Variants in GTPBP1 observed in about 807,000 individuals in gnomAD.
The protein encoded by GTPBP1 is GTP-binding protein 1.
GTPBP1 carries 23 observed loss-of-function variants against 62.0 expected under a neutral mutation model. The observed-to-expected ratio is 0.37, with a 90% confidence interval of 0.27 to 0.53. GTPBP1 has a LOEUF of 0.53. Ranked by LOEUF, GTPBP1 falls within the 20% of genes least tolerant of loss-of-function variation. The probability of loss-of-function intolerance (pLI) is 0.89; values close to 1 mark genes in which losing one functional copy is unlikely to be tolerated. For synonymous variants in GTPBP1, 344 were observed against 364.4 expected, an observed-to-expected ratio of 0.94 and a Z score of 0.64; for missense variants, 640 against 917.3, an observed-to-expected ratio of 0.70 and a Z score of 3.90.
chr22:38,718,816 C>T (rs905654431), intron 4 of GTPBP1, among the ~76,000 whole-genome samples: 4 of 152,144 alleles, frequency 2.6e-5, no homozygotes, highest in African/African-American at 9.7e-5. Context: ...GTGTACCTGC[C>T]AGAGATATTT....
intron 4 of GTPBP1, among the ~76,000 whole-genome samples, chr22:38,719,062 G>A (rs1055517731): frequency 6.6e-6 from 1 of 152,058 alleles, no homozygotes. Context: ...CTGGAGTGCA[G>A]TTGTGCAATC....
At position 38,730,926 on chromosome 22, in the gene GTPBP1, C is replaced by A; in HGVS notation, c.*222C>A. ...ACTGACCATCTCTCACTGTCCTCCC[C>A]ACCTTCTTCCTCACTCACACATTTT... On this transcript the variant is annotated 3_prime_UTR_variant, in exon 12 of 12. Coordinates refer to ENST00000216044, the MANE Select transcript of GTPBP1 (RefSeq NM_004286.5). This position sits in a 1 kb window ranked among gnomAD's most constrained non-coding sequence, Gnocchi z 5.6. 1 of 538,952 alleles carries A rather than the reference C, an allele frequency of 1.9e-6. No individual in the cohort carries two copies. The highest frequency in any genetic ancestry group is 3.3e-6 in the Non-Finnish European group (1 of 305,936). 33.4% of individuals were successfully genotyped at this position (538,952 alleles called of 1,614,324 possible).
At chr22:38,739,767 CAG>C (rs2092838221), downstream of GTPBP1, 5 of 1,613,572 alleles carry the variant, frequency 3.1e-6, no homozygotes, top group African/African-American at 1.3e-5. This position sits in a 1 kb window ranked among gnomAD's most constrained non-coding sequence, Gnocchi z 6.7. Flanking sequence ...GCGTCAGGCT[CAG>C]GGAGGCCGCG....
chr22:38,727,933 G>T lies in GTPBP1; in HGVS notation c.1538-50G>T. The T allele has an allele frequency of 7.1e-7, 1 of 1,416,070 alleles. No homozygotes were observed. Among genetic ancestry groups the T allele is most frequent in the Non-Finnish European group, 1.0e-6 (1 of 1,001,970 alleles). 87.7% of individuals were successfully genotyped at this position (1,416,070 alleles called of 1,614,324 possible). A position where few individuals can be genotyped will look rare whatever the true frequency, so the allele number is the denominator to read the frequency against. On this transcript the variant is annotated intron_variant, in intron 9 of 11. Transcript: ENST00000216044. This position sits in a 1 kb window ranked among gnomAD's most constrained non-coding sequence, Gnocchi z 6.5. ...TTCACTCACTGCCTCCCGTTGTCCT[G>T]AAGCCACCAGGTGGCTCCAGCCTAT...
At chr22:38,742,344 G>C, downstream of GTPBP1, 1 of 1,609,554 alleles carries the variant, frequency 6.2e-7, no homozygotes, top group South Asian at 1.1e-5. Flanking sequence ...CTCCTTCAGG[G>C]CAGCTTCACG....
chr22:38,726,084 C>A lies in GTPBP1; in HGVS notation c.1152C>A (p.Ser384=). The change falls in exon 7 of 12, where the codon TCC becomes TCA. Residue 384 remains serine, a synonymous_variant. Coordinates refer to ENST00000216044, the MANE Select transcript of GTPBP1 (RefSeq NM_004286.5). The surrounding 1 kb of genome is among the most constrained non-coding windows in gnomAD (Gnocchi z 4.1). Reference sequence around the variant, plus strand: ...TGAAGATGTTCCTCAACCTCCTCTCCCCCCGCACCAGCTACAGGGAGGAGG... The same window carrying A: ...TGAAGATGTTCCTCAACCTCCTCTCACCCCGCACCAGCTACAGGGAGGAGG... The part of the protein sequence containing the change: ...DLLKMFLNLL[S]PRTSYREEEP... 6.2e-7 allele frequency: 1 copy of A among 1,613,998 alleles called. No homozygotes were observed. Among genetic ancestry groups the A allele is most frequent in the Non-Finnish European group, 8.5e-7 (1 of 1,179,906 alleles).
At chr22:38,718,730 A>G (rs2092684163) in intron 4 of GTPBP1, among the ~76,000 whole-genome samples, 1 of 152,178 alleles carries the variant, frequency 6.6e-6, no homozygotes, top group Non-Finnish European at 1.5e-5. Flanking sequence ...TTTTCTTTCA[A>G]ATTTTCTTCT....
chr22:38,738,342 C>T (rs1488926595), downstream of GTPBP1: 2 of 1,324,626 alleles, frequency 1.5e-6, no homozygotes, highest in African/African-American at 1.5e-5. This position sits in a 1 kb window ranked among gnomAD's most constrained non-coding sequence, Gnocchi z 6.6. Context: ...CCCTGCTCCT[C>T]CCACCCAGCA....
At chr22:38,724,818 G>C (rs1276674233) in intron 6 of GTPBP1, among the ~76,000 whole-genome samples, 3 of 152,160 alleles carry the variant, frequency 2.0e-5, no homozygotes, top group African/African-American at 7.2e-5. Flanking sequence ...TTGTAACTCA[G>C]TTTTTTATAC....
downstream of GTPBP1, chr22:38,736,022 C>T (rs1308714376): frequency 9.3e-6 from 5 of 539,182 alleles, no homozygotes; most frequent in East Asian, 1.1e-4. Context: ...TATATACACA[C>T]TCCCAGGATG....
chr22:38,729,364 A>G, intron 10 of GTPBP1, 98 bp from the exon 11 acceptor site: 1 of 838,110 alleles, frequency 1.2e-6, no homozygotes, highest in Non-Finnish European at 1.8e-6. Context: ...TCAAGGAATG[A>G]GGAGTCTGTG....
downstream of GTPBP1, chr22:38,738,883 A>G: frequency 6.2e-7 from 1 of 1,604,778 alleles, no homozygotes. This position sits in a 1 kb window ranked among gnomAD's most constrained non-coding sequence, Gnocchi z 6.6. Context: ...CTGGAGGATG[A>G]CTCGGGGTGA....
chr22:38,728,332 T>G (rs1221314592), intron 10 of GTPBP1, 171 bp downstream of exon 10: 2 of 596,670 alleles, frequency 3.4e-6, no homozygotes, highest in Non-Finnish European at 6.0e-6. Context: ...TGTGGCCTCC[T>G]GTCCTGGGCA....
intron 2 of GTPBP1, among the ~76,000 whole-genome samples, chr22:38,712,633 C>T (rs572066256): frequency 2.6e-5 from 4 of 152,272 alleles, no homozygotes; most frequent in Non-Finnish European, 4.4e-5. Context: ...TTCTCCTCCA[C>T]CTTTGTCTCG....
intron 1 of GTPBP1, among the ~76,000 whole-genome samples, chr22:38,707,814 A>G (rs983038177): frequency 1.6e-4 from 24 of 152,232 alleles, no homozygotes; most frequent in African/African-American, 5.8e-4. Flanking sequence ...GATGATATCA[A>G]AAAGAAAAAG....
downstream of GTPBP1, chr22:38,735,481 C>G (rs1346460385): frequency 3.4e-6 from 1 of 294,418 alleles, no homozygotes; most frequent in Non-Finnish European, 6.7e-6. Context: ...AAAGCAAGCT[C>G]AGGGGCACTG....
At chr22:38,740,238 C>T (rs778229324), downstream of GTPBP1, 2 of 1,520,434 alleles carry the variant, frequency 1.3e-6, no homozygotes, top group Non-Finnish European at 1.8e-6. The surrounding 1 kb of genome is among the most constrained non-coding windows in gnomAD (Gnocchi z 4.8). Flanking sequence ...AGGAGAGGGA[C>T]CAGCAGGGCC....
chr22:38,709,089 C>G lies in GTPBP1; in HGVS notation c.304+133C>G, dbSNP rs1040907569. 3 of 560,924 alleles carry G rather than the reference C, an allele frequency of 5.3e-6. No homozygotes were observed. The African/African-American group carries it at 5.7e-5, about 11-fold the overall frequency. The allele number at this position is 560,924 out of a possible 1,614,324, so 34.7% of individuals were successfully genotyped here. On this transcript the variant is annotated intron_variant, in intron 2 of 11. Transcript: ENST00000216044. Reference sequence around the variant, plus strand: ...CCTGAGGTCAGGAGTTCGAGACCAGCCTGGCCAACATGGTGAAACCCCATC... The same window carrying G: ...CCTGAGGTCAGGAGTTCGAGACCAGGCTGGCCAACATGGTGAAACCCCATC...
At position 38,727,894 on chromosome 22, in the gene GTPBP1, G is replaced by A. The variant is rs939812965; in HGVS notation, c.1538-89G>A. The A allele has an allele frequency of 1.2e-6, 1 of 857,622 alleles. No individual in the cohort carries two copies. The highest frequency in any genetic ancestry group is 1.5e-5 in the South Asian group (1 of 67,356). 53.1% of individuals were successfully genotyped at this position (857,622 alleles called of 1,614,324 possible). ...AAGCCCCCACCCTTCCACAGCTTAA[G>A]CGTATTTCATGCTTTCACTCACTGC... is the stretch of plus-strand genomic sequence containing the variant. On this transcript the variant is annotated intron_variant, in intron 9 of 11. Transcript: ENST00000216044. This position sits in a 1 kb window ranked among gnomAD's most constrained non-coding sequence, Gnocchi z 6.5.
Sources: gnomAD v4.1 joint callset for allele counts (sites outside exome capture counted in the v4.1 genomes callset) on GRCh38, gnomAD v4.1.1 for gene constraint, Gnocchi (gnomAD v3.1) non-coding constraint, MANE v1.5 for transcripts, NCBI Gene and HGNC (gene_info 2026-07-23, HGNC 2026-07-21) for gene names.